ECHDC2: variants seen among roughly 807,000 people sequenced by gnomAD.
ECHDC2 encodes enoyl-CoA hydratase domain containing 2, also known as enoyl-CoA hydratase domain-containing protein 2, mitochondrial.
ECHDC2 carries 34 observed loss-of-function variants against 40.6 expected under a neutral mutation model. The observed-to-expected ratio is 0.84, with a 90% CI of 0.64 to 1.11. The LOEUF (loss-of-function observed/expected upper bound fraction) is 1.11, where lower values mean the gene tolerates loss of function less well. Ranked by LOEUF, ECHDC2 falls within the 50% of genes most tolerant of loss-of-function variation. The pLI is 0.00. For synonymous variants in ECHDC2, 162 were observed against 166.6 expected (o/e 0.97, Z 0.21); for missense variants, 392 against 400.7 (o/e 0.98, Z 0.19).
chr1:52,898,049 C>G, intron 8 of ECHDC2: 1 of 172,606 alleles, frequency 5.8e-6, no homozygotes, highest in Non-Finnish European at 1.3e-5. Context: ...TTATCCTCCT[C>G]TGTGCCTTTG....
At chr1:52,913,793 TG>T (rs1240095010) in intron 1 of ECHDC2, 2 of 409,042 alleles carry the variant, frequency 4.9e-6, no homozygotes, top group Non-Finnish European at 7.0e-6. Context: ...TAGTGTACAC[TG>T]GGGTTCGCTC....
intron 1 of ECHDC2, chr1:52,912,079 T>C: frequency 7.4e-7 from 1 of 1,352,990 alleles, no homozygotes; most frequent in Non-Finnish European, 9.5e-7. Flanking sequence ...CCTTGCCTGC[T>C]TCTGCTGTTG....
In ECHDC2 at chr1:52,904,841, G is replaced by T. The variant is rs1020687063; in HGVS notation, c.515-8C>A. 6.2e-7 allele frequency: 1 copy of T among 1,609,960 alleles called. No homozygotes were observed. The highest frequency in any genetic ancestry group is 1.3e-5 in the African/African-American group (1 of 74,880). ...GCAGCCTCTGAGTCCCTCCTACCAG[G>T]ATGGAGGGAGCAGGGTGGGAATCAG... On this transcript the variant is annotated splice_region_variant and splice_polypyrimidine_tract_variant and intron_variant, in intron 6 of 9. Transcript: ENST00000371522.
rs1647471955 is a variant in ECHDC2, at chr1:52,905,211, C to T, written c.458-121G>A. ...TCTAGCCACTTGCCCCATGGTCTGG[C>T]CACAGCCAGGCCTCTCCAGACTCTG... On this transcript the variant is annotated intron_variant, in intron 5 of 9. Transcript: ENST00000371522. 4 of 1,098,090 alleles carry T rather than the reference C, an allele frequency of 3.6e-6. No individual in the cohort carries two copies. In the African/African-American group the frequency reaches 6.2e-5, roughly 17 times the overall value. The allele number at this position is 1,098,090 out of a possible 1,614,324, so 68.0% of individuals were successfully genotyped here. A position where few individuals can be genotyped will look rare whatever the true frequency, so the allele number is the denominator to read the frequency against.
chr1:52,921,768 G>C (rs1018975993), upstream of ECHDC2: 18 of 1,418,800 alleles, frequency 1.3e-5, no homozygotes, highest in African/African-American at 1.9e-4. Flanking sequence ...CGAAGCCTTC[G>C]CCAATTGCTC....
intron 5 of ECHDC2, chr1:52,905,598 C>G (rs925486459): frequency 2.5e-5 from 4 of 160,692 alleles, no homozygotes; most frequent in African/African-American, 9.6e-5. Flanking sequence ...CCATGTCCTC[C>G]TGAGTTCTGC....
At chr1:52,912,460 G>A (rs1183849037) in intron 1 of ECHDC2, among the ~76,000 whole-genome samples, 5 of 151,984 alleles carry the variant, frequency 3.3e-5, no homozygotes, top group South Asian at 2.1e-4. Flanking sequence ...TGCCCGCCTC[G>A]GCCTCCCAAA....
In ECHDC2 at chr1:52,904,677, G is replaced by C. The variant is rs753485888; in HGVS notation, c.671C>G (p.Ala224Gly). The C allele has an allele frequency of 2.5e-6, 4 of 1,608,944 alleles. No individual in the cohort carries two copies. The highest frequency in any genetic ancestry group is 3.4e-6 in the Non-Finnish European group (4 of 1,178,148). The stretch of plus-strand genomic sequence containing the variant: ...CAGGATCTCCTGGGCCAGTGCTCGT[G>C]CCCGCTGGTAGGCGGCGTCCCCCTC... ...NEEGDAAYQR[A>G]RALAQEILPQ... is the part of the protein sequence containing the mutation. The change falls in exon 7 of 10, where the codon GCA becomes GGA. Residue 224 changes from alanine to glycine, a missense_variant. By Grantham distance (60) the Ala-to-Gly change is moderately conservative. Coordinates refer to ENST00000371522, the MANE Select transcript of ECHDC2 (RefSeq NM_001198961.2).
At position 52,914,163 on chromosome 1, in the gene ECHDC2, A is replaced by G. The variant is rs1650171811; in HGVS notation, c.122-2373T>C. The G allele has an allele frequency of 2.2e-6, 1 of 458,402 alleles. No homozygotes were observed. The highest frequency in any genetic ancestry group is 4.3e-6 in the Non-Finnish European group (1 of 231,730). 28.4% of individuals were successfully genotyped at this position (458,402 alleles called of 1,614,324 possible). On this transcript the variant is annotated intron_variant, in intron 1 of 9. Transcript: ENST00000371522. The surrounding 1 kb of genome is among the most constrained non-coding windows in gnomAD (Gnocchi z 4.0). ...AGAACTTGGAGAAAAAGGACAAACA[A>G]GTAAGGGGCCTCCAGTGGGCAGAGG...
chr1:52,916,411 C>A (rs555220737), intron 1 of ECHDC2, among the ~76,000 whole-genome samples: 1 of 152,266 alleles, frequency 6.6e-6, no homozygotes, highest in African/African-American at 2.4e-5. Flanking sequence ...GCCCTTAGCT[C>A]AAGCCACAAC....
At position 52,911,591 on chromosome 1, in the gene ECHDC2, A is replaced by G; in HGVS notation, c.252T>C (p.Ser84=). The G allele has an allele frequency of 6.2e-7, 1 of 1,613,870 alleles. No individual in the cohort carries two copies. ...CTGCACAGAACACGCCCTTCACTCC[A>G]CTTCTGAAGAGCAGGACACGCACTT... ...DRQVRVLLFR[S]GVKGVFCAGA... The change falls in exon 3 of 10, where the codon AGT becomes AGC. Residue 84 remains serine, a synonymous_variant. Coordinates refer to ENST00000371522, the MANE Select transcript of ECHDC2 (RefSeq NM_001198961.2).
In ECHDC2 at chr1:52,910,352, GTTTTTTTTTTTTTTTT is replaced by G. The variant is rs869088329; in HGVS notation, c.277+1198_277+1213del. On this transcript the variant is annotated intron_variant, in intron 3 of 9. Coordinates refer to ENST00000371522, the MANE Select transcript of ECHDC2 (RefSeq NM_001198961.2). ...GTTACTTATATTTCACCACAATTTC[GTTTTTTTTTTTTTTTT>G]TTTTTTTTTTTTTTTTTTGAGATGG... 4.1e-3 allele frequency among the ~76,000 whole-genome samples: 131 copies of G among 32,090 alleles called. 1 individual carries two copies. The highest frequency in any genetic ancestry group is 8.9e-3 in the African/African-American group (82 of 9,226). The allele number at this position is 32,090 out of a possible 152,430, so 21.1% of individuals were successfully genotyped here.
At chr1:52,917,594 G>A (rs1187601073) in intron 1 of ECHDC2, 3 of 455,962 alleles carry the variant, frequency 6.6e-6, no homozygotes, top group African/African-American at 2.0e-5. Context: ...GTCAGCTTGT[G>A]GTGGAGAACC....
intron 8 of ECHDC2, chr1:52,898,905 G>T (rs1646808217): frequency 1.9e-6 from 1 of 532,760 alleles, no homozygotes; most frequent in African/African-American, 1.9e-5. Context: ...CACTTCCTCT[G>T]AGACCTTGGG....
At chr1:52,902,279 C>G (rs1647040212) in intron 7 of ECHDC2, among the ~76,000 whole-genome samples, 1 of 152,176 alleles carries the variant, frequency 6.6e-6, no homozygotes, top group Non-Finnish European at 1.5e-5. Flanking sequence ...GCCTCAGCCT[C>G]CTGAGTAGCT....
In ECHDC2 at chr1:52,906,501, C is replaced by A; in HGVS notation, c.457+18G>T. On this transcript the variant is annotated intron_variant, in intron 5 of 9. Coordinates refer to ENST00000371522, the MANE Select transcript of ECHDC2 (RefSeq NM_001198961.2). ...GACTCCCTAGCCCCACCCCCTGCCC[C>A]CAGTCCTGGCCCAGTACCTGCCACT... 1 of 1,598,456 alleles carries A rather than the reference C, an allele frequency of 6.3e-7. No homozygotes were observed. Among genetic ancestry groups the A allele is most frequent in the South Asian group, 1.1e-5 (1 of 88,684 alleles).
intron 1 of ECHDC2, among the ~76,000 whole-genome samples, chr1:52,917,832 T>G (rs1474971147): frequency 6.6e-6 from 1 of 152,148 alleles, no homozygotes; most frequent in East Asian, 1.9e-4. Flanking sequence ...CTAGCTTGCT[T>G]TACCAGTTAT....
chr1:52,899,169 C>T lies in ECHDC2; in HGVS notation c.753+5G>A. 1 of 1,614,220 alleles carries T rather than the reference C, an allele frequency of 6.2e-7. No homozygotes were observed. Among genetic ancestry groups the T allele is most frequent in the Non-Finnish European group, 8.5e-7 (1 of 1,180,030 alleles). On this transcript the variant is annotated splice_donor_5th_base_variant and intron_variant, in intron 8 of 9. Coordinates refer to ENST00000371522, the MANE Select transcript of ECHDC2 (RefSeq NM_001198961.2). Reference sequence around the variant, plus strand: ...GACCCAAGTCCCAACCCAAAACCCTCTCACCTCCGTTCCTCGGTCAATGGC... The same window carrying T: ...GACCCAAGTCCCAACCCAAAACCCTTTCACCTCCGTTCCTCGGTCAATGGC...
Position 52,905,086 on chromosome 1 carries a change from G to A in ECHDC2, c.462C>T (p.Ser154=). 1.2e-6 allele frequency: 2 copies of A among 1,614,124 alleles called. No individual in the cohort carries two copies. Among genetic ancestry groups the A allele is most frequent in the Non-Finnish European group, 1.7e-6 (2 of 1,180,020 alleles). The part of the protein sequence containing the change: ...ALACDLRVAA[S]SAVMGLIETT... Reference sequence around the variant, plus strand: ...TCTCAATCAGTCCCATGACTGCCGAGGAAGCTGCTCAGATAGAACAAAGTG... The same window carrying A: ...TCTCAATCAGTCCCATGACTGCCGAAGAAGCTGCTCAGATAGAACAAAGTG... Residue 154 remains serine, a synonymous_variant, in exon 6 of 10, where the codon TCC becomes TCT. Transcript: ENST00000371522.
Sources: allele counts gnomAD v4.1 joint callset (sites outside exome capture counted in the v4.1 genomes callset), GRCh38; gene constraint gnomAD v4.1.1; non-coding constraint Gnocchi (gnomAD v3.1); transcripts MANE v1.5; gene names NCBI Gene and HGNC (gene_info 2026-07-23, HGNC 2026-07-21).